PCGF3: variants seen among roughly 807,000 people sequenced by gnomAD.
PCGF3 encodes the protein polycomb group RING finger protein 3.
In PCGF3, 7 loss-of-function variants were observed where a neutral mutation model predicts 33.1. That is an observed-to-expected ratio of 0.21 (90% CI 0.12 to 0.40). PCGF3 has a LOEUF of 0.40. Ranked by LOEUF, PCGF3 falls within the 10% of genes least tolerant of loss-of-function variation. PCGF3 has a pLI of 1.00. For synonymous variants in PCGF3, 153 were observed against 121.3 expected (o/e 1.26, Z -1.72); for missense variants, 211 against 313.3 (o/e 0.67, Z 2.46).
chr4:750,754 G>A (rs928348373), intron 8 of PCGF3, among the ~76,000 whole-genome samples: 2 of 152,120 alleles, frequency 1.3e-5, no homozygotes, highest in South Asian at 2.1e-4. Context: ...ACCTCGCGGT[G>A]TTGCTTAGGA....
At chr4:766,140 C>A (rs374940813) in exon 11 of PCGF3, 1 of 1,408,290 alleles carries the variant, frequency 7.1e-7, no homozygotes, top group Non-Finnish European at 1.0e-6. Context: ...CCGGCCGCCG[C>A]GCTTAAGAAC....
At chr4:756,725 C>A (rs542377994) in intron 8 of PCGF3, among the ~76,000 whole-genome samples, 1 of 152,244 alleles carries the variant, frequency 6.6e-6, no homozygotes, top group South Asian at 2.1e-4. Context: ...CCACCACCAT[C>A]ATCTCCAGAG....
chr4:710,636 C>A (rs1332927737), intron 1 of PCGF3, among the ~76,000 whole-genome samples: 1 of 152,204 alleles, frequency 6.6e-6, no homozygotes, highest in Admixed American at 6.5e-5. Flanking sequence ...TCTCCGATGT[C>A]ACCGTCATGA....
At chr4:751,503 G>A (rs893258785) in intron 8 of PCGF3, among the ~76,000 whole-genome samples, 8 of 152,030 alleles carry the variant, frequency 5.3e-5, no homozygotes, top group African/African-American at 1.7e-4. Context: ...TGCCGGTCAC[G>A]GGCTGTGTGT....
chr4:740,108 C>T (rs566392784), intron 6 of PCGF3, among the ~76,000 whole-genome samples: 18 of 152,364 alleles, frequency 1.2e-4, no homozygotes, highest in African/African-American at 4.3e-4. Context: ...CAATTGCAAA[C>T]CTCATTTCTC....
chr4:738,693 CAAA>C (rs33913968), intron 6 of PCGF3, among the ~76,000 whole-genome samples: 13 of 140,534 alleles, frequency 9.3e-5, no homozygotes, highest in African/African-American at 7.9e-5. Flanking sequence ...ACCAAAAATA[CAAA>C]AAAAAAAAAA....
intron 4 of PCGF3, 56 bp from the exon 5 acceptor site, chr4:734,875 G>A (rs1743763654): frequency 6.3e-7 from 1 of 1,584,264 alleles, no homozygotes; most frequent in East Asian, 2.3e-5. Context: ...GCACGCCGAT[G>A]GGGTGGGCGC....
intron 8 of PCGF3, among the ~76,000 whole-genome samples, chr4:753,744 G>T (rs1393164826): frequency 1.3e-5 from 2 of 151,980 alleles, no homozygotes; most frequent in African/African-American, 4.8e-5. Context: ...GCTCAGGAGT[G>T]CGAGACCAGC....
At chr4:734,861 T>C in intron 4 of PCGF3, 70 bp from the exon 5 acceptor site, 1 of 1,560,138 alleles carries the variant, frequency 6.4e-7, no homozygotes, top group Non-Finnish European at 8.7e-7. Context: ...CCGTGTTCAG[T>C]GGAGCACGCC....
At chr4:744,569 A>T in intron 7 of PCGF3, 31 bp from the exon 8 acceptor site, 2 of 1,492,300 alleles carry the variant, frequency 1.3e-6, no homozygotes, top group African/African-American at 1.4e-5. Context: ...TTTGGATTTC[A>T]TGGTGCGCTA....
intron 1 of PCGF3, among the ~76,000 whole-genome samples, chr4:706,544 C>T (rs1742313920): frequency 7.0e-6 from 1 of 143,186 alleles, no homozygotes; most frequent in African/African-American, 2.6e-5. Context: ...CCAGGCAGGA[C>T]CCAGGGAGGG....
chr4:753,218 T>TAGAA (rs1744604570), intron 8 of PCGF3, among the ~76,000 whole-genome samples: 1 of 152,204 alleles, frequency 6.6e-6, no homozygotes, highest in African/African-American at 2.4e-5. Flanking sequence ...GGATCTTACT[T>TAGAA]TCTTGCCTAG....
chr4:757,412 G>T (rs1560216569), intron 8 of PCGF3: 2 of 152,256 alleles, frequency 1.3e-5, no homozygotes, highest in Admixed American at 1.3e-4. Context: ...CATTCTGTTG[G>T]CGTGCGTTTG....
intron 6 of PCGF3, among the ~76,000 whole-genome samples, chr4:742,831 G>T (rs1348267099): frequency 1.3e-5 from 2 of 152,232 alleles, no homozygotes; most frequent in Admixed American, 6.5e-5. Flanking sequence ...CCACTGCCAG[G>T]CAACGGGGTG....
chr4:755,592 T>G (rs1483233869), intron 8 of PCGF3, among the ~76,000 whole-genome samples: 1 of 152,218 alleles, frequency 6.6e-6, no homozygotes, highest in Non-Finnish European at 1.5e-5. Context: ...TAAAAATGTT[T>G]CCCCATTCTA....
chr4:723,521 AGT>A (rs962971485), intron 1 of PCGF3: 1 of 160,538 alleles, frequency 6.2e-6, no homozygotes, highest in Non-Finnish European at 1.4e-5. Flanking sequence ...GCTCTGTGAA[AGT>A]GAGAGCTGTG....
chr4:713,903 G>T (rs1272485466), intron 1 of PCGF3, among the ~76,000 whole-genome samples: 1 of 152,218 alleles, frequency 6.6e-6, no homozygotes, highest in Admixed American at 6.5e-5. Context: ...TAAATGTTAA[G>T]TGATTTTAAT....
chr4:764,124 C>G (rs1435952802), intron 9 of PCGF3, among the ~76,000 whole-genome samples: 1 of 152,084 alleles, frequency 6.6e-6, no homozygotes, highest in Non-Finnish European at 1.5e-5. Flanking sequence ...ACCAGGGCGA[C>G]CTGACATCCG....
intron 4 of PCGF3, chr4:734,682 T>C: frequency 7.6e-7 from 1 of 1,310,900 alleles, no homozygotes; most frequent in Non-Finnish European, 9.7e-7. Context: ...TTCTAAGTTT[T>C]TTTCCCACTT....
Sources: gnomAD v4.1 joint callset for allele counts (sites outside exome capture counted in the v4.1 genomes callset) on GRCh38, gnomAD v4.1.1 for gene constraint, MANE v1.5 for transcripts, NCBI Gene and HGNC (gene_info 2026-07-23, HGNC 2026-07-21) for gene names.